CDH13: variants seen among roughly 807,000 people sequenced by gnomAD.
CDH13 encodes cadherin 13.
CDH13 carries 24 observed loss-of-function variants against 63.8 expected under a neutral mutation model. The observed-to-expected ratio is 0.38, with a 90% CI of 0.27 to 0.53. CDH13 has a LOEUF of 0.53. Ranked by LOEUF, CDH13 falls within the 20% of genes least tolerant of loss-of-function variation. CDH13 has a pLI of 0.85. For missense variants in CDH13, 1,049 were observed against 903.1 expected, an observed-to-expected ratio of 1.16 and a Z score of -2.07; for synonymous variants, 503 against 355.3, an observed-to-expected ratio of 1.42 and a Z score of -4.67.
rs563977188 is a variant in CDH13, at chr16:83,344,924, C to T, written c.699C>T (p.Val233=). Residue 233 remains valine, a synonymous_variant, in exon 6 of 14, where the codon GTC becomes GTT. Transcript: ENST00000567109. The stretch of plus-strand genomic sequence containing the variant: ...TCGAGGGGCCGGTGCCTCTGGAAGT[C>T]ATTGTGATTGATCAGAATGACAACC... ...KTLEGPVPLE[V]IVIDQNDNRP... 4 of 1,613,972 alleles carry T rather than the reference C, an allele frequency of 2.5e-6. No homozygotes were observed. Among genetic ancestry groups the T allele is most frequent in the Admixed American group, 3.3e-5 (2 of 60,026 alleles).
intron 1 of CDH13, among the ~76,000 whole-genome samples, chr16:82,715,687 C>A (rs1439893592): frequency 6.6e-6 from 1 of 152,072 alleles, no homozygotes; most frequent in African/African-American, 2.4e-5. Context: ...ATAGCAGAGA[C>A]CACACTGTGG....
At chr16:83,551,550 C>T (rs953443984) in intron 7 of CDH13, among the ~76,000 whole-genome samples, 1 of 152,120 alleles carries the variant, frequency 6.6e-6, no homozygotes, top group South Asian at 2.1e-4. Flanking sequence ...CTGTGTCTTA[C>T]GTTTCAAACA....
rs370508034 is a variant in CDH13, at chr16:83,344,987, C to T, written c.762C>T (p.Val254=). The change falls in exon 6 of 14, where the codon GTC becomes GTT. Residue 254 remains valine, a synonymous_variant. Transcript: ENST00000567109. The part of the protein sequence containing the change: ...IFREGPYIGH[V]MEGSPTGTTV... Reference sequence around the variant, plus strand: ...GGGAAGGCCCCTACATCGGCCACGTCATGGAAGGGTCACCCACAGGTATGT... The same window carrying T: ...GGGAAGGCCCCTACATCGGCCACGTTATGGAAGGGTCACCCACAGGTATGT... 1.2e-6 allele frequency: 2 copies of T among 1,613,958 alleles called. No homozygotes were observed. Among genetic ancestry groups the T allele is most frequent in the Non-Finnish European group, 1.7e-6 (2 of 1,179,840 alleles).
In CDH13 at chr16:83,538,883, A is replaced by T. The variant is rs75215433; in HGVS notation, c.960+52228A>T. Reference sequence around the variant, plus strand: ...AATATAAAATTTTGTAAAAAAATATATGTTAGATAATGCTTAGTCATCCTT... The same window carrying T: ...AATATAAAATTTTGTAAAAAAATATTTGTTAGATAATGCTTAGTCATCCTT... On this transcript the variant is annotated intron_variant, in intron 7 of 13. Coordinates refer to ENST00000567109, the MANE Select transcript of CDH13 (RefSeq NM_001257.5). 3.1e-3 allele frequency among the ~76,000 whole-genome samples: 476 copies of T among 152,348 alleles called. 3 individuals are homozygous for T. The highest frequency in any genetic ancestry group is 0.01 in the African/African-American group (431 of 41,588).
chr16:82,793,934 C>T (rs1055834323), intron 1 of CDH13, among the ~76,000 whole-genome samples: 3 of 151,954 alleles, frequency 2.0e-5, no homozygotes, highest in African/African-American at 7.3e-5. Flanking sequence ...GACAGTGGAT[C>T]AGGAAAGGCC....
intron 7 of CDH13, among the ~76,000 whole-genome samples, chr16:83,559,539 C>G (rs544053076): frequency 6.4e-4 from 97 of 150,938 alleles, no homozygotes; most frequent in African/African-American, 2.3e-3. Context: ...TCATTGCACT[C>G]CAGCTTGGGC....
At chr16:83,249,789 A>G (rs1011957245) in intron 5 of CDH13, among the ~76,000 whole-genome samples, 2 of 152,214 alleles carry the variant, frequency 1.3e-5, no homozygotes, top group African/African-American at 4.8e-5. Flanking sequence ...CTTGGAACAA[A>G]CAGGATTTGG....
chr16:82,686,860 C>T (rs142427850), intron 1 of CDH13, among the ~76,000 whole-genome samples: 4 of 152,316 alleles, frequency 2.6e-5, no homozygotes, highest in East Asian at 3.9e-4. Flanking sequence ...ACAGGGAACA[C>T]GACTTCTTAC....
intron 2 of CDH13, among the ~76,000 whole-genome samples, chr16:82,936,434 G>A (rs1257816494): frequency 1.3e-5 from 2 of 152,038 alleles, no homozygotes; most frequent in African/African-American, 4.8e-5. Context: ...ATGATCTGAG[G>A]TAGAACAGTT....
chr16:82,847,157 A>G (rs1051572706), intron 1 of CDH13, among the ~76,000 whole-genome samples: 1 of 152,148 alleles, frequency 6.6e-6, no homozygotes, highest in African/African-American at 2.4e-5. Flanking sequence ...AGTAAAGGGA[A>G]CCCATATTTT....
intron 10 of CDH13, among the ~76,000 whole-genome samples, chr16:83,737,272 T>A (rs914969146): frequency 4.6e-5 from 7 of 152,218 alleles, no homozygotes; most frequent in African/African-American, 1.7e-4. Flanking sequence ...TTCCTTGATA[T>A]CTACATCACA....
chr16:83,166,378 A>G (rs2037670494), intron 4 of CDH13, among the ~76,000 whole-genome samples: 1 of 152,118 alleles, frequency 6.6e-6, no homozygotes, highest in Non-Finnish European at 1.5e-5. Flanking sequence ...CCAGACAGGA[A>G]GAGTAATTGG....
At chr16:82,999,613 C>G (rs79481869) in intron 2 of CDH13, among the ~76,000 whole-genome samples, 4,871 of 152,134 alleles carry the variant, frequency 0.032, 107 homozygotes, top group Non-Finnish European at 0.045. Flanking sequence ...TTAAAATAAG[C>G]TGAAAATTGA....
intron 3 of CDH13, among the ~76,000 whole-genome samples, chr16:83,115,638 A>T (rs546322771): frequency 1.2e-4 from 18 of 152,218 alleles, no homozygotes; most frequent in African/African-American, 4.3e-4. Flanking sequence ...GGCTGACTGC[A>T]TGAGTCTCAC....
At chr16:83,453,860 A>G (rs573490316) in intron 6 of CDH13, among the ~76,000 whole-genome samples, 1 of 152,320 alleles carries the variant, frequency 6.6e-6, no homozygotes, top group South Asian at 2.1e-4. Flanking sequence ...TGTGCCTGAT[A>G]ATGACCCTGC....
chr16:82,764,970 A>G (rs1489653182), intron 1 of CDH13, among the ~76,000 whole-genome samples: 1 of 152,006 alleles, frequency 6.6e-6, no homozygotes, highest in Non-Finnish European at 1.5e-5. Flanking sequence ...GTGTGCCACT[A>G]TGCCTGGCTA....
chr16:83,422,678 C>T (rs779176056), intron 6 of CDH13, among the ~76,000 whole-genome samples: 3 of 152,172 alleles, frequency 2.0e-5, no homozygotes, highest in South Asian at 2.1e-4. Flanking sequence ...AATTAGAGGA[C>T]GTTTGACTTC....
chr16:83,506,271 C>G (rs950748201), intron 7 of CDH13, among the ~76,000 whole-genome samples: 3 of 152,172 alleles, frequency 2.0e-5, no homozygotes, highest in Non-Finnish European at 4.4e-5. Flanking sequence ...TTTGGAGCCA[C>G]TGATCTCTCT....
At chr16:83,154,040 C>A (rs1394370963) in intron 4 of CDH13, among the ~76,000 whole-genome samples, 1 of 152,142 alleles carries the variant, frequency 6.6e-6, no homozygotes, top group South Asian at 2.1e-4. Context: ...TTTAGAGAGC[C>A]ATGTCCTGTT....
Sources: allele counts gnomAD v4.1 joint callset (sites outside exome capture counted in the v4.1 genomes callset), GRCh38; gene constraint gnomAD v4.1.1; transcripts MANE v1.5; gene names NCBI Gene and HGNC (gene_info 2026-07-23, HGNC 2026-07-21).